Variants in FRMD4A observed in about 807,000 individuals in gnomAD.
FRMD4A encodes FERM domain containing 4A.
In FRMD4A, 29 loss-of-function variants were observed where a neutral mutation model predicts 129.1. That is an observed-to-expected ratio of 0.22 (90% CI 0.17 to 0.31). FRMD4A has a LOEUF of 0.31. Among genes scored for constraint, FRMD4A ranks in the 10% least tolerant of loss-of-function variants. The pLI is 1.00. For synonymous variants in FRMD4A, 634 were observed against 571.6 expected, an observed-to-expected ratio of 1.11 and a Z score of -1.56; for missense variants, 1,272 against 1,375.8, an observed-to-expected ratio of 0.92 and a Z score of 1.19.
chr10:13,948,554 G>T (rs769311349), intron 2 of FRMD4A, among the ~76,000 whole-genome samples: 1 of 151,992 alleles, frequency 6.6e-6, no homozygotes, highest in Admixed American at 6.6e-5. Context: ...GGAGCATTTT[G>T]CAGGCAGCTC....
intron 2 of FRMD4A, among the ~76,000 whole-genome samples, chr10:13,878,251 T>G (rs1190407644): frequency 5.8e-5 from 7 of 120,174 alleles, no homozygotes; most frequent in Non-Finnish European, 8.5e-5. Flanking sequence ...AAAGCTGAAA[T>G]AGAGCCTAGT....
At chr10:13,701,549 C>T in intron 13 of FRMD4A, 71 bp from the exon 14 acceptor site, 1 of 1,455,804 alleles carries the variant, frequency 6.9e-7, no homozygotes, top group African/African-American at 1.4e-5. Flanking sequence ...TCAACAGCTT[C>T]TGTAGAGAAC....
At chr10:14,137,844 C>T (rs1264176482) in intron 2 of FRMD4A, among the ~76,000 whole-genome samples, 1 of 152,096 alleles carries the variant, frequency 6.6e-6, no homozygotes, top group Non-Finnish European at 1.5e-5. Context: ...TCTCCTCTTT[C>T]CCCTTCTCTC....
At chr10:14,133,415 T>C (rs1316530698) in intron 2 of FRMD4A, among the ~76,000 whole-genome samples, 1 of 152,206 alleles carries the variant, frequency 6.6e-6, no homozygotes, top group Non-Finnish European at 1.5e-5. Context: ...TCTGGCCATA[T>C]GTTTTGAAGG....
chr10:13,900,761 T>G (rs2094810404), intron 2 of FRMD4A, among the ~76,000 whole-genome samples: 1 of 151,950 alleles, frequency 6.6e-6, no homozygotes, highest in African/African-American at 2.4e-5. Context: ...GCCAGGCGTG[T>G]TGGCAGGTGC....
intron 3 of FRMD4A, among the ~76,000 whole-genome samples, chr10:13,828,900 A>G (rs954489827): frequency 1.3e-5 from 2 of 152,162 alleles, no homozygotes; most frequent in Non-Finnish European, 2.9e-5. Context: ...TACTATTGTG[A>G]ATAGTGCTGT....
At chr10:13,925,364 T>A (rs2095119413) in intron 2 of FRMD4A, among the ~76,000 whole-genome samples, 1 of 152,150 alleles carries the variant, frequency 6.6e-6, no homozygotes, top group African/African-American at 2.4e-5. Context: ...GTATATTTAC[T>A]TTTGTGTACA....
At chr10:13,954,236 C>T (rs1237453571) in intron 2 of FRMD4A, among the ~76,000 whole-genome samples, 1 of 152,188 alleles carries the variant, frequency 6.6e-6, no homozygotes, top group African/African-American at 2.4e-5. Flanking sequence ...TGTTCTCACA[C>T]TGCTGATAAA....
At chr10:13,853,847 A>G (rs1342328586) in intron 3 of FRMD4A, among the ~76,000 whole-genome samples, 1 of 151,488 alleles carries the variant, frequency 6.6e-6, no homozygotes, top group Non-Finnish European at 1.5e-5. Flanking sequence ...AAAAAAAAAA[A>G]AAAAAACCCA....
At chr10:14,219,749 CT>C (rs936181190) in intron 2 of FRMD4A, among the ~76,000 whole-genome samples, 2 of 152,170 alleles carry the variant, frequency 1.3e-5, no homozygotes, top group African/African-American at 4.8e-5. Context: ...AGCTGGGAGG[CT>C]GCCTGTGTGC....
chr10:13,886,691 C>T (rs1430040018), intron 2 of FRMD4A, among the ~76,000 whole-genome samples: 99 of 152,286 alleles, frequency 6.5e-4, no homozygotes, highest in Non-Finnish European at 1.1e-3. Context: ...AACAATCCTC[C>T]CATTTTAGCC....
chr10:13,934,689 T>C (rs953845428), intron 2 of FRMD4A, among the ~76,000 whole-genome samples: 5 of 152,204 alleles, frequency 3.3e-5, no homozygotes. Context: ...TTTACATAAA[T>C]AGCCTTACGT....
At chr10:14,229,073 A>G (rs1843546769) in intron 2 of FRMD4A, among the ~76,000 whole-genome samples, 1 of 151,848 alleles carries the variant, frequency 6.6e-6, no homozygotes, top group African/African-American at 2.4e-5. Flanking sequence ...AATGTTGGAG[A>G]AATGTTTTTT....
chr10:14,239,356 G>A (rs573979724), intron 2 of FRMD4A, among the ~76,000 whole-genome samples: 2 of 152,238 alleles, frequency 1.3e-5, no homozygotes, highest in East Asian at 1.9e-4. Flanking sequence ...GGCCGGACGC[G>A]GTGGCTCACT....
chr10:14,309,674 C>A (rs979814333), intron 2 of FRMD4A, among the ~76,000 whole-genome samples: 4 of 152,102 alleles, frequency 2.6e-5, no homozygotes, highest in African/African-American at 9.7e-5. Context: ...AGGCCCCCCT[C>A]CTGCCTCCAT....
chr10:13,645,262 T>C lies in FRMD4A; in HGVS notation c.*1776A>G, dbSNP rs1404540303. ...GTTTTTATGCTTAAGCTAACTTCAG[T>C]TCTGCTTTCCCACAAAACTACCCCC... On this transcript the variant is annotated 3_prime_UTR_variant, in exon 25 of 25. Coordinates refer to ENST00000357447, the MANE Select transcript of FRMD4A (RefSeq NM_018027.5). The C allele has an allele frequency of 6.6e-6, 1 of 152,182 alleles. No individual in the cohort carries two copies. The highest frequency in any genetic ancestry group is 1.5e-5 in the Non-Finnish European group (1 of 68,036). 9.4% of individuals were successfully genotyped at this position (152,182 alleles called of 1,614,324 possible).
At chr10:13,794,249 G>T (rs2130818506) in intron 5 of FRMD4A, among the ~76,000 whole-genome samples, 1 of 152,080 alleles carries the variant, frequency 6.6e-6, no homozygotes, top group African/African-American at 2.4e-5. Context: ...AAAATTAGCT[G>T]GGTATGGTGG....
intron 14 of FRMD4A, among the ~76,000 whole-genome samples, chr10:13,696,915 G>A (rs567457742): frequency 1.2e-4 from 18 of 152,306 alleles, no homozygotes; most frequent in African/African-American, 3.6e-4. Context: ...AAAGGCCATC[G>A]TAATAAGAAT....
intron 2 of FRMD4A, among the ~76,000 whole-genome samples, chr10:14,250,241 G>A (rs1454937646): frequency 6.6e-6 from 1 of 152,184 alleles, no homozygotes; most frequent in Non-Finnish European, 1.5e-5. Flanking sequence ...GATTACAGGT[G>A]TAAGCCACTG....
Sources: gnomAD v4.1 joint callset for allele counts (sites outside exome capture counted in the v4.1 genomes callset) on GRCh38, gnomAD v4.1.1 for gene constraint, MANE v1.5 for transcripts, NCBI Gene and HGNC (gene_info 2026-07-23, HGNC 2026-07-21) for gene names.